Variants in ANK2 observed in about 807,000 individuals in gnomAD.
ANK2 encodes ankyrin-2.
A neutral mutation model predicts 360.5 loss-of-function variants in ANK2; 83 were observed. That is an observed-to-expected ratio of 0.23 (90% confidence interval 0.19 to 0.28). The LOEUF (loss-of-function observed/expected upper bound fraction) is 0.28. ANK2 is among the 10% of genes least tolerant of loss of function. The probability of loss-of-function intolerance (pLI) is 1.00; values close to 1 mark genes in which losing one functional copy is unlikely to be tolerated. For synonymous variants in ANK2, 1,740 were observed against 1,759.5 expected, an observed-to-expected ratio of 0.99 and a Z score of 0.28; for missense variants, 4,201 against 4,795.7, an observed-to-expected ratio of 0.88 and a Z score of 3.66.
At chr4:113,113,193 T>G (rs1257012844) in intron 1 of ANK2, among the ~76,000 whole-genome samples, 2 of 118,536 alleles carry the variant, frequency 1.7e-5, no homozygotes, top group Non-Finnish European at 3.7e-5. Context: ...TCTTTTTTTT[T>G]TTTCCCTGAT....
intron 2 of ANK2, among the ~76,000 whole-genome samples, chr4:112,941,297 A>G (rs191950874): frequency 7.7e-4 from 113 of 147,540 alleles, no homozygotes; most frequent in African/African-American, 2.2e-3. Flanking sequence ...ATAAAGATAT[A>G]TAAATTTATG....
At chr4:113,374,080 C>T (rs1459864254) in intron 45 of ANK2, among the ~76,000 whole-genome samples, 1 of 152,130 alleles carries the variant, frequency 6.6e-6, no homozygotes, top group Non-Finnish European at 1.5e-5. Flanking sequence ...CCCACCACCA[C>T]ACCTGGCTAA....
chr4:113,367,983 T>C, intron 42 of ANK2, 132 bp downstream of exon 42: 1 of 1,106,266 alleles, frequency 9.0e-7, no homozygotes, highest in Non-Finnish European at 1.3e-6. Context: ...GTGCCAGAGC[T>C]AAAGGGGAAA....
intron 23 of ANK2, among the ~76,000 whole-genome samples, chr4:113,307,184 C>T (rs919879170): frequency 1.6e-4 from 25 of 152,300 alleles, no homozygotes; most frequent in African/African-American, 6.0e-4. Context: ...AAGAGAACTC[C>T]AGACTGGCTG....
intron 4 of ANK2, among the ~76,000 whole-genome samples, chr4:113,219,566 G>GA (rs199877109): frequency 0.028 from 4,214 of 152,062 alleles, 98 homozygotes; most frequent in East Asian, 0.067. Context: ...CCCTCACACA[G>GA]AAAAAGTATT....
intron 41 of ANK2, among the ~76,000 whole-genome samples, chr4:113,365,678 T>C (rs574870471): frequency 6.3e-4 from 95 of 149,924 alleles, no homozygotes; most frequent in African/African-American, 8.7e-4. Context: ...GTTTTTTTTT[T>C]TCTCTCTCTC....
intron 34 of ANK2, among the ~76,000 whole-genome samples, chr4:113,345,471 C>T (rs767151112): frequency 2.6e-5 from 4 of 152,044 alleles, no homozygotes; most frequent in Non-Finnish European, 4.4e-5. Flanking sequence ...ATTTTAAAAG[C>T]TGAGTAAGTT....
chr4:113,119,876 C>A (rs1465978284), intron 1 of ANK2, among the ~76,000 whole-genome samples: 1 of 151,510 alleles, frequency 6.6e-6, no homozygotes, highest in Non-Finnish European at 1.5e-5. Context: ...CTTTTGTAAA[C>A]TTACTGTTAA....
In ANK2 at chr4:113,381,533, C is replaced by A. The variant is rs1345661065; in HGVS notation, c.*62C>A. ...GCATGGAAAACGCATTGACTTGGAG[C>A]ACCTGGAGGATGTACCAGAAGCACT... is the stretch of plus-strand genomic sequence containing the variant. On this transcript the variant is annotated 3_prime_UTR_variant, in exon 46 of 46. Transcript: ENST00000357077. 1.2e-6 allele frequency: 2 copies of A among 1,613,654 alleles called. No individual in the cohort carries two copies. Among genetic ancestry groups the A allele is most frequent in the Non-Finnish European group, 1.7e-6 (2 of 1,179,794 alleles).
intron 4 of ANK2, among the ~76,000 whole-genome samples, chr4:113,212,822 C>G (rs375912595): frequency 7.4e-4 from 113 of 152,336 alleles, no homozygotes; most frequent in African/African-American, 2.6e-3. Flanking sequence ...AAATTCAGCA[C>G]TAGTGCAGCC....
In ANK2 at chr4:113,330,332, G is replaced by A. The variant is rs200124480; in HGVS notation, c.2987G>A (p.Arg996Gln). ...GGGCTCCGAATCATTATTCCACCTCGGAAATGTACTGCTCCAACGCGAGTC... is the reference window on the plus strand; with the variant it reads ...GGGCTCCGAATCATTATTCCACCTCAGAAATGTACTGCTCCAACGCGAGTC... ...HNGLRIIIPP[R>Q]KCTAPTRVTC... The change falls in exon 27 of 46, where the codon CGG becomes CAG. Residue 996 changes from arginine (R) to glutamine (Q), a missense_variant. Transcript: ENST00000357077. 49 of 1,614,190 alleles carry A rather than the reference G, an allele frequency of 3.0e-5. No individual in the cohort carries two copies. Among genetic ancestry groups the A allele is most frequent in the East Asian group, 1.3e-4 (6 of 44,882 alleles).
chr4:112,914,786 G>T (rs530598964), intron 2 of ANK2, among the ~76,000 whole-genome samples: 8 of 152,104 alleles, frequency 5.3e-5, no homozygotes, highest in Non-Finnish European at 7.4e-5. Context: ...GGAAAGAGCC[G>T]ATCCTACCCC....
intron 1 of ANK2, among the ~76,000 whole-genome samples, chr4:112,832,521 A>C (rs1408298464): frequency 6.6e-6 from 1 of 152,218 alleles, no homozygotes; most frequent in Non-Finnish European, 1.5e-5. Context: ...TGCTTACTAA[A>C]ATTTTGTTGA....
At chr4:113,380,459 G>A (rs558315093) in intron 45 of ANK2, among the ~76,000 whole-genome samples, 3 of 152,260 alleles carry the variant, frequency 2.0e-5, no homozygotes, top group East Asian at 1.9e-4. Flanking sequence ...TCAGGAGTTC[G>A]AGACCAGCTT....
chr4:113,355,444 G>A lies in ANK2; in HGVS notation c.6826G>A (p.Glu2276Lys). 2 of 1,613,886 alleles carry A rather than the reference G, an allele frequency of 1.2e-6. No individual in the cohort carries two copies. The highest frequency in any genetic ancestry group is 1.7e-6 in the Non-Finnish European group (2 of 1,179,966). The change falls in exon 38 of 46, where the codon GAA becomes AAA. Residue 2276 changes from glutamate to lysine, a missense_variant. Glu to Lys is a moderately conservative substitution (Grantham distance 56). Coordinates refer to ENST00000357077, the MANE Select transcript of ANK2 (RefSeq NM_001148.6). ...KTETTTEIRS[E>K]KEHPTTKDIT... is the part of the protein sequence containing the mutation. ...AGAAACCACCACAGAAATTCGTTCA[G>A]AAAAAGAGCATCCCACGACCAAAGA...
chr4:112,743,886 A>C, the ANK2 span, among the ~76,000 whole-genome samples: 1 of 144,866 alleles, frequency 6.9e-6, no homozygotes, highest in Non-Finnish European at 1.5e-5. Flanking sequence ...GCTGTACTGC[A>C]GTGGCGGATC....
intron 10 of ANK2, among the ~76,000 whole-genome samples, chr4:113,250,951 G>T (rs999695902): frequency 6.6e-6 from 1 of 152,112 alleles, no homozygotes; most frequent in East Asian, 1.9e-4. Context: ...CCATAAAAGA[G>T]TGGCTTCAAA....
chr4:113,359,071 G>C lies in ANK2; in HGVS notation c.10453G>C (p.Ala3485Pro). 6.2e-7 allele frequency: 1 copy of C among 1,614,096 alleles called. No homozygotes were observed. Among genetic ancestry groups the C allele is most frequent in the Non-Finnish European group, 8.5e-7 (1 of 1,179,956 alleles). Residue 3485 changes from alanine to proline, a missense_variant, in exon 38 of 46, where the codon GCT (alanine) becomes CCT (proline). Coordinates refer to ENST00000357077, the MANE Select transcript of ANK2 (RefSeq NM_001148.6). The part of the protein sequence containing the change: ...IEFFEEISDE[A>P]SKLVDRLTQS... The stretch of plus-strand genomic sequence containing the variant: ...ATTCTTTGAGGAGATTAGTGATGAG[G>C]CTTCCAAATTAGTGGATAGGCTGAC...
intron 2 of ANK2, among the ~76,000 whole-genome samples, chr4:113,042,349 C>T (rs1192965159): frequency 6.6e-6 from 1 of 152,158 alleles, no homozygotes; most frequent in Non-Finnish European, 1.5e-5. Context: ...TCTTGGTTCT[C>T]CAGCTTGCAG....
Sources: gnomAD v4.1 joint callset for allele counts (sites outside exome capture counted in the v4.1 genomes callset) on GRCh38, gnomAD v4.1.1 for gene constraint, MANE v1.5 for transcripts, NCBI Gene and HGNC (gene_info 2026-07-23, HGNC 2026-07-21) for gene names.